The following ABCC10 variants were observed in gnomAD, a reference collection of about 807,000 sequenced individuals.
ABCC10 encodes ATP-binding cassette sub-family C member 10.
ABCC10 carries 110 observed loss-of-function variants against 143.2 expected under a neutral mutation model. The observed-to-expected ratio is 0.77, with a 90% CI of 0.66 to 0.90. The LOEUF is 0.90. ABCC10 is among the 40% of genes least tolerant of loss of function. ABCC10 has a pLI of 0.00. For synonymous variants in ABCC10, 805 were observed against 846.7 expected (o/e 0.95, Z 0.85); for missense variants, 1,700 against 1,900.5 (o/e 0.89, Z 1.96).
At chr6:43,430,444 A>G (rs1339701767) in intron 2 of ABCC10, among the ~76,000 whole-genome samples, 4 of 151,994 alleles carry the variant, frequency 2.6e-5, no homozygotes, top group Admixed American at 2.6e-4. Context: ...ATCCCTACAA[A>G]TAACTGTCAT....
At chr6:43,446,060 G>A in intron 15 of ABCC10, 118 bp downstream of exon 15, 3 of 1,257,238 alleles carry the variant, frequency 2.4e-6, no homozygotes, top group Non-Finnish European at 3.2e-6. Context: ...AAGGGATGGG[G>A]AAGGAGGAAA....
At chr6:43,446,992 C>T (rs905768148) in intron 16 of ABCC10, 26 of 694,652 alleles carry the variant, frequency 3.7e-5, no homozygotes, top group African/African-American at 9.5e-5. Context: ...GGATTACAGG[C>T]GCCTGCCACC....
At position 43,447,831 on chromosome 6, in the gene ABCC10, G is replaced by C. The variant is rs752598583; in HGVS notation, c.3853G>C (p.Gly1285Arg). Residue 1285 changes from glycine to arginine, a missense_variant, in exon 18 of 22, where the codon GGC (glycine) becomes CGC (arginine). Physicochemically the swap from Gly to Arg is moderately radical, Grantham distance 125. Transcript: ENST00000372530. ...GGGCATCGTGGGCCGCACAGGCTCC[G>C]GCAAGTCTTCCCTGTTGTTGGTGCT... ...KLGIVGRTGS[G>R]KSSLLLVLFR... The C allele has an allele frequency of 1.2e-6, 2 of 1,613,712 alleles. No individual in the cohort carries two copies.
chr6:43,441,832 C>T, intron 8 of ABCC10, 30 bp from the exon 9 acceptor site: 2 of 1,591,004 alleles, frequency 1.3e-6, no homozygotes, highest in African/African-American at 1.3e-5. Context: ...ATGGGAGCTC[C>T]CTGACCCACT....
Position 43,433,047 on chromosome 6 carries a change from G to T in ABCC10, c.1067G>T (p.Arg356Leu). The change falls in exon 3 of 22, where the codon CGG becomes CTG. Residue 356 changes from arginine to leucine, a missense_variant. Arg to Leu is a moderately radical substitution (Grantham distance 102, BLOSUM62 -2). Transcript: ENST00000372530. ...YEVYKVTLQA[R>L]GAVLNILYCK... The stretch of plus-strand genomic sequence containing the variant: ...GTATATAAGGTAACACTTCAGGCAC[G>T]GGGGGCTGTGCTGAACATCCTGTAC... 2 of 1,614,126 alleles carry T rather than the reference G, an allele frequency of 1.2e-6. No individual in the cohort carries two copies. The highest frequency in any genetic ancestry group is 1.7e-6 in the Non-Finnish European group (2 of 1,180,026).
At chr6:43,441,039 G>A (rs1354260723) in intron 8 of ABCC10, among the ~76,000 whole-genome samples, 1 of 152,114 alleles carries the variant, frequency 6.6e-6, no homozygotes, top group Non-Finnish European at 1.5e-5. Flanking sequence ...AGAGGCGGAG[G>A]TTGCAGTGAG....
rs1003480085 is a variant in ABCC10 at position 43,450,135 on chromosome 6, A to G, written c.*44A>G. 11 of 1,549,882 alleles carry G rather than the reference A, an allele frequency of 7.1e-6. No homozygotes were observed. Among genetic ancestry groups the G allele is most frequent in the Middle Eastern group, 4.8e-4 (2 of 4,198 alleles). On this transcript the variant is annotated 3_prime_UTR_variant, in exon 22 of 22. Transcript: ENST00000372530. This position sits in a 1 kb window ranked among gnomAD's most constrained non-coding sequence, Gnocchi z 4.5. ...CAGAGTTCTCCCCTCTCTCTGATCC[A>G]GGCCGGGCCTATACAGAGGTGCTGG... is the stretch of plus-strand genomic sequence containing the variant.
chr6:43,441,138 T>C (rs745659015), intron 8 of ABCC10, among the ~76,000 whole-genome samples: 45 of 151,712 alleles, frequency 3.0e-4, no homozygotes, highest in Admixed American at 1.7e-3. Flanking sequence ...TAAAAGCTTT[T>C]ACATCAAATC....
chr6:43,447,237 C>T lies in ABCC10; in HGVS notation c.3545-11C>T, dbSNP rs377686675. 31 of 1,610,680 alleles carry T rather than the reference C, an allele frequency of 1.9e-5. No homozygotes were observed. The Middle Eastern group carries it at 6.6e-4, about 34-fold the overall frequency. ...CAAGCTCTCCCAGCAGCTGGTACTT[C>T]TCTCCCCCAGGGCTGGTGGGCTTGT... On this transcript the variant is annotated splice_polypyrimidine_tract_variant and intron_variant, in intron 16 of 21. Transcript: ENST00000372530.
intron 4 of ABCC10, among the ~76,000 whole-genome samples, chr6:43,435,309 GA>G (rs1269130850): frequency 6.6e-6 from 1 of 152,206 alleles, no homozygotes; most frequent in East Asian, 1.9e-4. Context: ...AAGGCAGGCG[GA>G]TCACCTGATG....
chr6:43,438,536 C>A, intron 7 of ABCC10, 88 bp from the exon 8 acceptor site: 1 of 1,531,598 alleles, frequency 6.5e-7, no homozygotes, highest in Non-Finnish European at 8.7e-7. Context: ...AAGACAGCAG[C>A]CTGGGGAGGC....
At chr6:43,429,688 CTGCCAACG>C (rs1458756452) in intron 2 of ABCC10, among the ~76,000 whole-genome samples, 1 of 152,082 alleles carries the variant, frequency 6.6e-6, no homozygotes, top group Non-Finnish European at 1.5e-5. Context: ...CGAGACCAGC[CTGCCAACG>C]TGGCAGAATG....
chr6:43,449,151 C>A lies in ABCC10; in HGVS notation c.4150C>A (p.Leu1384Ile). 6.2e-7 allele frequency: 1 copy of A among 1,614,146 alleles called. No individual in the cohort carries two copies. The highest frequency in any genetic ancestry group is 8.5e-7 in the Non-Finnish European group (1 of 1,180,008). The change falls in exon 20 of 22, where the codon CTT (leucine) becomes ATT (isoleucine). Residue 1384 changes from leucine (L) to isoleucine (I), a missense_variant. Coordinates refer to ENST00000372530, the MANE Select transcript of ABCC10 (RefSeq NM_001198934.2). ...GGGTGAGGGGGGCCGGAGCTTATCT[C>A]TTGGGCAGAGGCAGCTGTTGTGTTT... ...ELGEGGRSLS[L>I]GQRQLLCLAR...
intron 18 of ABCC10, 69 bp downstream of exon 18, chr6:43,448,006 C>G (rs1276185985): frequency 6.3e-7 from 1 of 1,588,486 alleles, no homozygotes; most frequent in Admixed American, 1.8e-5. Context: ...GAGGGCATAG[C>G]CAGGAAGGCT....
Position 43,444,891 on chromosome 6 carries a change from G to C in ABCC10, c.2793G>C (p.Met931Ile), listed in dbSNP as rs201909610. 1.4e-5 allele frequency: 23 copies of C among 1,613,982 alleles called. No individual in the cohort carries two copies. In the East Asian group the frequency reaches 4.9e-4, roughly 34 times the overall value. Residue 931 changes from methionine to isoleucine, a missense_variant, in exon 13 of 22, where the codon ATG becomes ATC. Met to Ile is a conservative substitution (Grantham distance 10). Transcript: ENST00000372530. ...EAQPSTSPAS[M>I]GLFSPQLLLF... is the part of the protein sequence containing the mutation. ...AACCCTCCACCAGCCCAGCTTCTAT[G>C]GGGCTCTTCTCTCCGCAGCTGCTCC... is the stretch of plus-strand genomic sequence containing the variant.
intron 14 of ABCC10, 61 bp from the exon 15 acceptor site, chr6:43,445,538 C>T (rs1581778054): frequency 3.9e-6 from 6 of 1,532,076 alleles, no homozygotes; most frequent in South Asian, 1.2e-5. Context: ...TCCCCCAGTG[C>T]TGCCTGCCAA....
Position 43,440,128 on chromosome 6 carries a change from TG to T in ABCC10, c.2127+1334del, listed in dbSNP as rs1257395378. On this transcript the variant is annotated intron_variant, in intron 8 of 21. Coordinates refer to ENST00000372530, the MANE Select transcript of ABCC10 (RefSeq NM_001198934.2). ...TAAGCTGCCACGCCTGCCTAATTTTTGTATTTTTAGTAGAGATGGGGTTTCA... is the reference window on the plus strand; with the variant it reads ...TAAGCTGCCACGCCTGCCTAATTTTTTATTTTTAGTAGAGATGGGGTTTCA... Among the ~76,000 whole-genome samples the T allele has an allele frequency of 5.9e-5, 9 of 152,104 alleles. No individual in the cohort carries two copies. In the East Asian group the frequency reaches 1.8e-3, roughly 30 times the overall value.
Position 43,433,227 on chromosome 6 carries a change from A to G in ABCC10, c.1247A>G (p.Tyr416Cys). 6.2e-7 allele frequency: 1 copy of G among 1,614,096 alleles called. No homozygotes were observed. The highest frequency in any genetic ancestry group is 8.5e-7 in the Non-Finnish European group (1 of 1,179,960). ...LQLAITLYLL[Y>C]QQVGVAFVGG... is the part of the protein sequence containing the mutation. Reference sequence around the variant, plus strand: ...CTGGCCATCACCCTCTACCTGCTGTACCAGCAGGTAGGCGTGGCCTTCGTG... The same window carrying G: ...CTGGCCATCACCCTCTACCTGCTGTGCCAGCAGGTAGGCGTGGCCTTCGTG... The change falls in exon 3 of 22, where the codon TAC becomes TGC. Residue 416 changes from tyrosine to cysteine, a missense_variant. By Grantham distance (194) the Tyr-to-Cys change is radical. Transcript: ENST00000372530.
chr6:43,445,494 A>G (rs1463902896), intron 14 of ABCC10, 105 bp from the exon 15 acceptor site: 14 of 1,393,770 alleles, frequency 1.0e-5, no homozygotes, highest in East Asian at 2.3e-5. Context: ...GTCCTTCCCT[A>G]TTCTCTATCT....
Sources: allele counts gnomAD v4.1 joint callset (sites outside exome capture counted in the v4.1 genomes callset), GRCh38; gene constraint gnomAD v4.1.1; non-coding constraint Gnocchi (gnomAD v3.1); transcripts MANE v1.5; gene names NCBI Gene and HGNC (gene_info 2026-07-23, HGNC 2026-07-21).